Variants in OTOA observed in about 807,000 individuals in gnomAD.
The protein encoded by OTOA is cancer/testis antigen 108.
A neutral mutation model predicts 110.8 loss-of-function variants in OTOA; 70 were observed. The ratio of observed to expected loss-of-function variants is 0.63; its 90% confidence interval spans 0.52 to 0.77. The LOEUF (loss-of-function observed/expected upper bound fraction) is 0.77, where lower values mean the gene tolerates loss of function less well. Among genes scored for constraint, OTOA ranks in the 30% least tolerant of loss-of-function variants. The pLI, the probability that OTOA is intolerant of heterozygous loss-of-function variation, is 0.00. For missense variants in OTOA, 917 were observed against 1,075.8 expected (o/e 0.85, Z 2.06); for synonymous variants, 373 against 431.5 (o/e 0.86, Z 1.68).
At chr16:21,678,366 T>G in intron 1 of OTOA, 145 bp from the exon 2 acceptor site, 1 of 524,888 alleles carries the variant, frequency 1.9e-6, no homozygotes, top group Non-Finnish European at 3.2e-6. Flanking sequence ...CTTCAAGGGA[T>G]TCTGGGTGTA....
At chr16:21,729,545 G>T (rs558267953) in intron 20 of OTOA, 1 of 152,006 alleles carries the variant, frequency 6.6e-6, no homozygotes, top group Admixed American at 6.6e-5. Flanking sequence ...TTTACATTAG[G>T]ATTCACTCTT....
At chr16:21,717,388 T>A (rs567999466) in intron 15 of OTOA, among the ~76,000 whole-genome samples, 6 of 151,946 alleles carry the variant, frequency 3.9e-5, no homozygotes, top group Non-Finnish European at 8.8e-5. Flanking sequence ...ATGCAGTGAG[T>A]TATGGTCATG....
intron 27 of OTOA, among the ~76,000 whole-genome samples, chr16:21,756,568 G>C (rs1191792261): frequency 6.6e-6 from 1 of 152,040 alleles, no homozygotes; most frequent in Non-Finnish European, 1.5e-5. Flanking sequence ...TCAGGAGGTG[G>C]AAGACTTGAA....
intron 9 of OTOA, among the ~76,000 whole-genome samples, chr16:21,696,900 A>C (rs951002958): frequency 6.6e-6 from 1 of 151,622 alleles, no homozygotes; most frequent in African/African-American, 2.4e-5. Context: ...ATTTTTAATT[A>C]TTATTACTTT....
intron 5 of OTOA, 21 bp downstream of exon 5, chr16:21,679,232 G>A (rs1289490121): frequency 2.5e-6 from 4 of 1,610,694 alleles, no homozygotes; most frequent in Non-Finnish European, 3.4e-6. Flanking sequence ...CTAGAGGAGA[G>A]GGGAAGGGAT....
At chr16:21,678,894 C>G (rs754658744) in intron 2 of OTOA, 21 bp from the exon 3 acceptor site, 2 of 1,611,722 alleles carry the variant, frequency 1.2e-6, no homozygotes, top group Non-Finnish European at 1.7e-6. Flanking sequence ...TCTAGTTATA[C>G]ATTCAATGGC....
At chr16:21,676,471 A>C (rs530575609) in intron 1 of OTOA, among the ~76,000 whole-genome samples, 8 of 152,126 alleles carry the variant, frequency 5.3e-5, no homozygotes, top group Non-Finnish European at 1.0e-4. Flanking sequence ...AATTTGGCCT[A>C]TCATGGAGGC....
chr16:21,687,582 G>A lies in OTOA; in HGVS notation c.569G>A (p.Ser190Asn), dbSNP rs898751068. ...AAGGTGCTGAGGGGGTCCTCAGGGA[G>A]CTTTCTCCAGCCAGACATCACAGAG... is the stretch of plus-strand genomic sequence containing the variant. ...LGKVLRGSSG[S>N]FLQPDITERL... Residue 190 changes from serine to asparagine, a missense_variant, in exon 8 of 29, where the codon AGC (serine) becomes AAC (asparagine). By Grantham distance (46) the Ser-to-Asn change is conservative. Transcript: ENST00000646100. 1 of 1,613,968 alleles carries A rather than the reference G, an allele frequency of 6.2e-7. No homozygotes were observed. The highest frequency in any genetic ancestry group is 1.7e-5 in the Admixed American group (1 of 59,986).
At chr16:21,688,318 G>T (rs971803794) in intron 8 of OTOA, among the ~76,000 whole-genome samples, 1 of 152,060 alleles carries the variant, frequency 6.6e-6, no homozygotes, top group Admixed American at 6.6e-5. Context: ...GAACCTGGGA[G>T]GTGGAGGTTG....
chr16:21,695,891 A>ATATATATATATATATATGTATTTT (rs569493650), intron 9 of OTOA, among the ~76,000 whole-genome samples: 3 of 41,904 alleles, frequency 7.2e-5, no homozygotes, highest in African/African-American at 4.4e-4. Flanking sequence ...ATATATATAT[A>ATATATATATATATATATGTATTTT]TTTTTTTTTT....
Position 21,697,791 on chromosome 16 carries a change from G to T in OTOA, c.756G>T (p.Trp252Cys). The T allele has an allele frequency of 1.9e-6, 3 of 1,613,958 alleles. No individual in the cohort carries two copies. The highest frequency in any genetic ancestry group is 2.5e-6 in the Non-Finnish European group (3 of 1,179,966). Reference sequence around the variant, plus strand: ...TTTTTGTAGATGACTCTGCTTCATGGGTCAGTGCGGAACACTTATGGGTTT... The same window carrying T: ...TTTTTGTAGATGACTCTGCTTCATGTGTCAGTGCGGAACACTTATGGGTTT... ...SSNATDDSASWVSAEHLWVLG... is the reference protein window; with the variant it reads ...SSNATDDSASCVSAEHLWVLG... Residue 252 changes from tryptophan to cysteine, a missense_variant, in exon 10 of 29, where the codon TGG becomes TGT. Coordinates refer to ENST00000646100, the MANE Select transcript of OTOA (RefSeq NM_144672.4).
Position 21,736,291 on chromosome 16 carries a change from A to C in OTOA, c.2332A>C (p.Lys778Gln), listed in dbSNP as rs774246174. ...FPEILLQAAS[K>Q]MARTLPTKEF... ...TGAGATCCTTCTGCAAGCAGCTTCC[A>C]AGATGGCCAGGACCCTGCCCACTAA... Residue 778 changes from lysine to glutamine, a missense_variant, in exon 22 of 29, where the codon AAG (lysine) becomes CAG (glutamine). Coordinates refer to ENST00000646100, the MANE Select transcript of OTOA (RefSeq NM_144672.4). The C allele has an allele frequency of 1.2e-6, 2 of 1,613,944 alleles. No individual in the cohort carries two copies. The highest frequency in any genetic ancestry group is 4.5e-5 in the East Asian group (2 of 44,886).
rs749227003 is a variant in OTOA, at chr16:21,714,966, G to A, written c.1321-19G>A. The A allele has an allele frequency of 3.0e-5, 49 of 1,613,788 alleles. No individual in the cohort carries two copies. Among genetic ancestry groups the A allele is most frequent in the Middle Eastern group, 1.7e-4 (1 of 5,994 alleles). ...AAAGGCGGGAGCAGAGCCTGACTGC[G>A]CAGCCGCTCCTCTTCCAGGTGCTGT... On this transcript the variant is annotated intron_variant, in intron 13 of 28. Transcript: ENST00000646100.
intron 13 of OTOA, 146 bp downstream of exon 13, chr16:21,710,249 C>A: frequency 3.2e-6 from 3 of 943,942 alleles, no homozygotes; most frequent in Non-Finnish European, 4.8e-6. Flanking sequence ...CTGGGAAGTC[C>A]AACATCGAGG....
intron 12 of OTOA, among the ~76,000 whole-genome samples, chr16:21,707,625 C>CTTTCT (rs1567379388): frequency 1.0e-5 from 1 of 95,424 alleles, no homozygotes; most frequent in African/African-American, 3.1e-5. Flanking sequence ...TTCTTTCTTT[C>CTTTCT]TTTCTTTCTT....
At chr16:21,735,361 T>A (rs553573571) in intron 21 of OTOA, among the ~76,000 whole-genome samples, 2 of 151,644 alleles carry the variant, frequency 1.3e-5, no homozygotes, top group Admixed American at 1.3e-4. Context: ...CAACAAGATC[T>A]CGAGAGAACG....
At chr16:21,731,783 C>T (rs576768595) in intron 21 of OTOA, among the ~76,000 whole-genome samples, 113 of 152,286 alleles carry the variant, frequency 7.4e-4, no homozygotes, top group African/African-American at 2.4e-3. Flanking sequence ...CACACACTCT[C>T]ATACCTGCAC....
chr16:21,712,714 G>A (rs561955258), intron 13 of OTOA, among the ~76,000 whole-genome samples: 10 of 151,662 alleles, frequency 6.6e-5, no homozygotes, highest in East Asian at 3.9e-4. Context: ...GCATGGTGGC[G>A]GGTGCCTGTA....
At chr16:21,712,000 C>G (rs1898372599) in intron 13 of OTOA, among the ~76,000 whole-genome samples, 1 of 152,100 alleles carries the variant, frequency 6.6e-6, no homozygotes, top group Non-Finnish European at 1.5e-5. Context: ...CTGTGTCTGA[C>G]CAACTATACA....
Sources: allele counts gnomAD v4.1 joint callset (sites outside exome capture counted in the v4.1 genomes callset), GRCh38; gene constraint gnomAD v4.1.1; transcripts MANE v1.5; gene names NCBI Gene and HGNC (gene_info 2026-07-23, HGNC 2026-07-21).